Variants in RIMS3 observed in about 807,000 individuals in gnomAD.
RIMS3 encodes the protein regulating synaptic membrane exocytosis protein 3.
A neutral mutation model predicts 29.2 loss-of-function variants in RIMS3; 15 were observed. The ratio of observed to expected loss-of-function variants is 0.51; its 90% CI spans 0.34 to 0.79. The LOEUF (loss-of-function observed/expected upper bound fraction) is 0.79. RIMS3 is among the 30% of genes least tolerant of loss of function. The pLI, the probability that RIMS3 is intolerant of heterozygous loss-of-function variation, is 0.01. For missense variants in RIMS3, 342 were observed against 421.4 expected (o/e 0.81, Z 1.65); for synonymous variants, 161 against 170.1 (o/e 0.95, Z 0.41).
In RIMS3 at chr1:40,623,025, G is replaced by C. The variant is rs2148340363; in HGVS notation, c.*3492C>G. ...TGGCAGTAAAGAAGAGATCAGGCATGCTTCCCTGGTGGGTGGCATGACCAT... is the reference window on the plus strand; with the variant it reads ...TGGCAGTAAAGAAGAGATCAGGCATCCTTCCCTGGTGGGTGGCATGACCAT... On this transcript the variant is annotated 3_prime_UTR_variant, in exon 8 of 8. Transcript: ENST00000372684. The C allele has an allele frequency of 5.3e-6, 1 of 187,910 alleles. No individual in the cohort carries two copies. Among genetic ancestry groups the C allele is most frequent in the South Asian group, 2.0e-4 (1 of 5,114 alleles). 11.6% of individuals were successfully genotyped at this position (187,910 alleles called of 1,614,324 possible).
rs1340397189 is a variant in RIMS3 at position 40,654,461 on chromosome 1, C to A, written c.-206-6619G>T. On this transcript the variant is annotated intron_variant, in intron 1 of 7. Transcript: ENST00000372684. The surrounding 1 kb of genome is among the most constrained non-coding windows in gnomAD (Gnocchi z 5.3). ...CTCCGACGCGCCACAGAGCGAGATG[C>A]ACGCTGTACAAAGAAGATGACGTAC... 6.6e-6 allele frequency among the ~76,000 whole-genome samples: 1 copy of A among 152,190 alleles called. No homozygotes were observed. Among genetic ancestry groups the A allele is most frequent in the South Asian group, 2.1e-4 (1 of 4,820 alleles).
At chr1:40,631,156 A>T (rs972210899) in intron 5 of RIMS3, among the ~76,000 whole-genome samples, 15 of 151,976 alleles carry the variant, frequency 9.9e-5, no homozygotes, top group African/African-American at 3.6e-4. Flanking sequence ...ATGGGAAAGG[A>T]GTGGAGGCGA....
rs1443239897 is a variant in RIMS3, at chr1:40,624,845, C to T, written c.*1672G>A. The T allele has an allele frequency of 1.3e-5, 2 of 152,604 alleles. No individual in the cohort carries two copies. Among genetic ancestry groups the T allele is most frequent in the Non-Finnish European group, 2.9e-5 (2 of 68,030 alleles). The allele number at this position is 152,604 out of a possible 1,614,324, so 9.5% of individuals were successfully genotyped here. On this transcript the variant is annotated 3_prime_UTR_variant, in exon 8 of 8. Coordinates refer to ENST00000372684, the MANE Select transcript of RIMS3 (RefSeq NM_014747.3). ...AAGTCATTCAGACCCCAAGACCTTTCTACTGCTACCCCAGGTAGCGTACCC... is the reference window on the plus strand; with the variant it reads ...AAGTCATTCAGACCCCAAGACCTTTTTACTGCTACCCCAGGTAGCGTACCC...
chr1:40,650,943 C>T (rs1646628493), intron 1 of RIMS3, among the ~76,000 whole-genome samples: 3 of 151,852 alleles, frequency 2.0e-5, no homozygotes, highest in Admixed American at 6.6e-5. Flanking sequence ...TTCTCTGCCC[C>T]CACCCCCATG....
At chr1:40,628,379 C>T (rs1646468196) in intron 7 of RIMS3, among the ~76,000 whole-genome samples, 1 of 152,356 alleles carries the variant, frequency 6.6e-6, no homozygotes, top group East Asian at 1.9e-4. Context: ...CCTGGGCTCA[C>T]CCCAAGCAAG....
In RIMS3 at chr1:40,641,768, ATCTTGGCACCCAGGCTGCTCCGCCGCT is replaced by A. The variant is rs773440621; in HGVS notation, c.131_157del (p.Lys44_Lys52del). On this transcript the variant is annotated inframe_deletion, in exon 3 of 8. Coordinates refer to ENST00000372684, the MANE Select transcript of RIMS3 (RefSeq NM_014747.3). The stretch of plus-strand genomic sequence containing the variant: ...CTGAGTCAGGCCCACGATGGCCACC[ATCTTGGCACCCAGGCTGCTCCGCCGCT>A]TCTTGGCGGTGGTGGTCCCAGCCCC... 4.3e-6 allele frequency: 7 copies of A among 1,613,790 alleles called. No individual in the cohort carries two copies. Among genetic ancestry groups the A allele is most frequent in the Non-Finnish European group, 3.4e-6 (4 of 1,179,738 alleles).
At chr1:40,641,996 C>G (rs569423089) in intron 2 of RIMS3, 40 bp from the exon 3 acceptor site, 1 of 1,291,326 alleles carries the variant, frequency 7.7e-7, no homozygotes, top group Non-Finnish European at 1.1e-6. Flanking sequence ...CACATCAGAC[C>G]TGGATGAATC....
rs2148347091 is a variant in RIMS3, at chr1:40,635,615, T to A, written c.359+301A>T. On this transcript the variant is annotated intron_variant, in intron 4 of 7. Transcript: ENST00000372684. The surrounding 1 kb of genome is among the most constrained non-coding windows in gnomAD (Gnocchi z 4.1). ...CCACATTTTCCTTTCCACCCTTTCC[T>A]CTGGAGCAGGGCAGTGTGTGCGTGG... Among the ~76,000 whole-genome samples, 1 of 152,286 alleles carries A rather than the reference T, an allele frequency of 6.6e-6. No individual in the cohort carries two copies. Among genetic ancestry groups the A allele is most frequent in the East Asian group, 1.9e-4 (1 of 5,178 alleles).
chr1:40,668,914 C>A (rs574584254), upstream of RIMS3, among the ~76,000 whole-genome samples: 12 of 152,204 alleles, frequency 7.9e-5, no homozygotes, highest in Non-Finnish European at 1.6e-4. Flanking sequence ...GACCGAGCAC[C>A]TGGCAGAGGC....
chr1:40,672,486 C>T, the RIMS3 span, among the ~76,000 whole-genome samples: 165 of 152,296 alleles, frequency 1.1e-3, no homozygotes, highest in African/African-American at 4.0e-3. Context: ...GCGTGAGCCA[C>T]CGTGCCTGGC....
chr1:40,623,454 C>G lies in RIMS3; in HGVS notation c.*3063G>C. On this transcript the variant is annotated 3_prime_UTR_variant, in exon 8 of 8. Coordinates refer to ENST00000372684, the MANE Select transcript of RIMS3 (RefSeq NM_014747.3). ...TCCATCACTGTCCCTGCCCACAACC[C>G]AACATCACTGCAGGGCCACTCCTGT... The G allele has an allele frequency of 2.5e-6, 1 of 398,684 alleles. No individual in the cohort carries two copies. Among genetic ancestry groups the G allele is most frequent in the Non-Finnish European group, 4.4e-6 (1 of 226,116 alleles). 24.7% of individuals were successfully genotyped at this position (398,684 alleles called of 1,614,324 possible). A position where few individuals can be genotyped will look rare whatever the true frequency, so the allele number is the denominator to read the frequency against.
At chr1:40,672,944 C>T in the RIMS3 span, among the ~76,000 whole-genome samples, 1 of 151,512 alleles carries the variant, frequency 6.6e-6, no homozygotes, top group Non-Finnish European at 1.5e-5. Flanking sequence ...CTGTGGAAGG[C>T]CAAGGCAGGT....
At chr1:40,663,816 C>T (rs151102802) in intron 1 of RIMS3, among the ~76,000 whole-genome samples, 184 of 152,300 alleles carry the variant, frequency 1.2e-3, no homozygotes, top group African/African-American at 4.2e-3. Context: ...CCTGCACGCC[C>T]GCCCAGCAAG....
chr1:40,683,047 T>C, the RIMS3 span, among the ~76,000 whole-genome samples: 85 of 152,258 alleles, frequency 5.6e-4, no homozygotes, highest in East Asian at 0.016. Flanking sequence ...ATCTTTTGTC[T>C]CTTTCTCTCT....
the RIMS3 span, among the ~76,000 whole-genome samples, chr1:40,676,356 G>A: frequency 6.6e-6 from 1 of 152,194 alleles, no homozygotes; most frequent in Non-Finnish European, 1.5e-5. Flanking sequence ...TTCAGTATTA[G>A]TTACAGAGTG....
chr1:40,690,846 T>C, the RIMS3 span: 1 of 152,252 alleles, frequency 6.6e-6, no homozygotes. Flanking sequence ...CATTCCTCTC[T>C]GCGCTTGTTA....
the RIMS3 span, among the ~76,000 whole-genome samples, chr1:40,673,960 G>A: frequency 2.6e-5 from 4 of 152,206 alleles, no homozygotes; most frequent in South Asian, 2.1e-4. Context: ...ACTGGTATAC[G>A]TACCAGTCAG....
upstream of RIMS3, among the ~76,000 whole-genome samples, chr1:40,666,835 G>T (rs1421331244): frequency 1.3e-5 from 2 of 152,124 alleles, no homozygotes; most frequent in African/African-American, 4.8e-5. Context: ...GATCAACCTG[G>T]CCAACATGGT....
Position 40,636,159 on chromosome 1 carries a change from T to A in RIMS3, c.218-102A>T. ...AAAGTCACTCTCTTGGCATGGGGGG[T>A]TGATGGGGAGGATGAGCAGGGCTCT... On this transcript the variant is annotated intron_variant, in intron 3 of 7. Transcript: ENST00000372684. This position sits in a 1 kb window ranked among gnomAD's most constrained non-coding sequence, Gnocchi z 4.2. 1 of 1,447,254 alleles carries A rather than the reference T, an allele frequency of 6.9e-7. No individual in the cohort carries two copies. The highest frequency in any genetic ancestry group is 1.8e-4 in the Middle Eastern group (1 of 5,518). 89.7% of individuals were successfully genotyped at this position (1,447,254 alleles called of 1,614,324 possible). A position where few individuals can be genotyped will look rare whatever the true frequency, so the allele number is the denominator to read the frequency against.
Sources: gnomAD v4.1 joint callset for allele counts (sites outside exome capture counted in the v4.1 genomes callset) on GRCh38, gnomAD v4.1.1 for gene constraint, Gnocchi (gnomAD v3.1) non-coding constraint, MANE v1.5 for transcripts, NCBI Gene and HGNC (gene_info 2026-07-23, HGNC 2026-07-21) for gene names.